SLC22A5: variants seen among roughly 807,000 people sequenced by gnomAD.
SLC22A5 encodes organic cation/carnitine transporter 2.
In SLC22A5, 44 loss-of-function variants were observed where a neutral mutation model predicts 56.7. That is an observed-to-expected ratio of 0.78 (90% CI 0.61 to 1.00). The LOEUF (loss-of-function observed/expected upper bound fraction) is 1.00, where lower values mean the gene tolerates loss of function less well. SLC22A5 is among the 50% of genes least tolerant of loss of function. SLC22A5 has a pLI of 0.00. For missense variants in SLC22A5, 675 were observed against 723.0 expected (o/e 0.93, Z 0.76); for synonymous variants, 278 against 292.1 (o/e 0.95, Z 0.49).
intron 2 of SLC22A5, 144 bp from the exon 3 acceptor site, chr5:132,384,003 C>T: frequency 4.9e-6 from 4 of 810,090 alleles, no homozygotes; most frequent in South Asian, 4.4e-5. Flanking sequence ...CACTGTGAGA[C>T]CGAGACTGTC....
At chr5:132,380,352 CAGTT>C (rs1168917506) in intron 2 of SLC22A5, 1 of 151,982 alleles carries the variant, frequency 6.6e-6, no homozygotes, top group Non-Finnish European at 1.5e-5. Flanking sequence ...TAGTGGATCA[CAGTT>C]AGGACTTTGG....
chr5:132,383,455 A>G (rs968170783), intron 2 of SLC22A5: 3 of 155,124 alleles, frequency 1.9e-5, no homozygotes, highest in African/African-American at 7.2e-5. Context: ...ACATTCCTCT[A>G]TGCTCTGCAT....
At chr5:132,376,610 TCAGCCATATG>T (rs983856778) in intron 1 of SLC22A5, 2 of 152,234 alleles carry the variant, frequency 1.3e-5, no homozygotes, top group Non-Finnish European at 2.9e-5. Context: ...CTAGTCTAGC[TCAGCCATATG>T]GGTCCCCAAC....
chr5:132,393,988 G>A (rs1156849514), intron 9 of SLC22A5, among the ~76,000 whole-genome samples, 177 bp downstream of exon 9: 1 of 152,218 alleles, frequency 6.6e-6, no homozygotes, highest in Admixed American at 6.5e-5. Context: ...TCTCTGGTCT[G>A]TTCCTGTGTG....
intron 1 of SLC22A5, among the ~76,000 whole-genome samples, chr5:132,374,050 C>T (rs192414917): frequency 1.1e-3 from 164 of 151,938 alleles, no homozygotes; most frequent in Non-Finnish European, 1.8e-3. Flanking sequence ...ACCTCGTATC[C>T]GCTAAAAATA....
Position 132,394,379 on chromosome 5 carries a change from G to A in SLC22A5, c.*107G>A. On this transcript the variant is annotated 3_prime_UTR_variant, in exon 10 of 10. Coordinates refer to ENST00000245407, the MANE Select transcript of SLC22A5 (RefSeq NM_003060.4). ...CAGTGACAAAAGGCCTTTGCTGTTT[G>A]TCCTCTTGACCTGTGTCTGACTTGC... The A allele has an allele frequency of 1.1e-6, 1 of 875,682 alleles. No homozygotes were observed. Among genetic ancestry groups the A allele is most frequent in the Non-Finnish European group, 2.0e-6 (1 of 507,596 alleles). 54.2% of individuals were successfully genotyped at this position (875,682 alleles called of 1,614,324 possible).
intron 1 of SLC22A5, among the ~76,000 whole-genome samples, chr5:132,374,188 C>T (rs1308623338): frequency 6.6e-6 from 1 of 151,102 alleles, no homozygotes; most frequent in Non-Finnish European, 1.5e-5. Flanking sequence ...CATTGCATGC[C>T]AGCCTGGGTG....
At chr5:132,373,262 T>G (rs1233099103) in intron 1 of SLC22A5, among the ~76,000 whole-genome samples, 4 of 152,254 alleles carry the variant, frequency 2.6e-5, no homozygotes, top group Non-Finnish European at 4.4e-5. Context: ...TGACTCCCCC[T>G]GCCCACTGAC....
In SLC22A5 at chr5:132,369,908, C is replaced by CGCACGCGCAAA. The variant is rs1472315205; in HGVS notation, c.-62_-52dup. Reference sequence around the variant, plus strand: ...CCTGGTCGGCGGCGGGTGCCCCGCGCGCACGCGCAAAGCCCGCCGCGTTCC... The same window carrying CGCACGCGCAAA: ...CCTGGTCGGCGGCGGGTGCCCCGCGCGCACGCGCAAAGCACGCGCAAAGCCCGCCGCGTTCC... On this transcript the variant is annotated 5_prime_UTR_variant, in exon 1 of 10. Transcript: ENST00000245407. The CGCACGCGCAAA allele has an allele frequency of 1.3e-6, 2 of 1,584,770 alleles. No homozygotes were observed. The highest frequency in any genetic ancestry group is 1.7e-6 in the Non-Finnish European group (2 of 1,168,556).
intron 1 of SLC22A5, chr5:132,377,079 C>A (rs1752168453): frequency 6.6e-6 from 1 of 152,422 alleles, no homozygotes; most frequent in African/African-American, 2.4e-5. Context: ...TGCCACCCTA[C>A]TCCCAGCCCA....
Position 132,389,011 on chromosome 5 carries a change from A to G in SLC22A5, c.1042A>G (p.Ile348Val), listed in dbSNP as rs779808817. 6.2e-7 allele frequency: 1 copy of G among 1,610,670 alleles called. No homozygotes were observed. The highest frequency in any genetic ancestry group is 8.5e-7 in the Non-Finnish European group (1 of 1,176,832). The change falls in exon 6 of 10, where the codon ATA becomes GTA. Residue 348 changes from isoleucine (I) to valine (V), a missense_variant. Ile to Val is a conservative substitution (Grantham distance 29). Transcript: ENST00000245407. Reference protein sequence around the residue: ...WNIRMVTIMSIMLWMTISVGY... With the variant: ...WNIRMVTIMSVMLWMTISVGY... ...TATCCGGATGGTCACCATCATGTCC[A>G]TAATGCTGTGGTATGTAAAAGAGAC...
At position 132,369,851 on chromosome 5, in the gene SLC22A5, G is replaced by T. The variant is rs1379139680; in HGVS notation, c.-122G>T. ...GTCAGCTCGCGAGCCTACCCTCCGC[G>T]GACGGTCTTGGGTCGCCTGCTGCCT... On this transcript the variant is annotated 5_prime_UTR_variant, in exon 1 of 10. Coordinates refer to ENST00000245407, the MANE Select transcript of SLC22A5 (RefSeq NM_003060.4). 3.1e-6 allele frequency: 4 copies of T among 1,304,600 alleles called. No individual in the cohort carries two copies. In the African/African-American group the frequency reaches 6.1e-5, roughly 20 times the overall value. The allele number at this position is 1,304,600 out of a possible 1,614,324, so 80.8% of individuals were successfully genotyped here.
At chr5:132,389,420 G>A (rs890186332) in intron 6 of SLC22A5, 1 of 315,578 alleles carries the variant, frequency 3.2e-6, no homozygotes. Flanking sequence ...GAGGCTGCCA[G>A]TTACTTTCTG....
intron 1 of SLC22A5, among the ~76,000 whole-genome samples, chr5:132,372,539 AG>A (rs1004139964): frequency 3.3e-4 from 50 of 152,330 alleles, no homozygotes; most frequent in African/African-American, 1.1e-3. Context: ...CAGCTGTGCC[AG>A]GGGGTCTGAC....
chr5:132,391,019 T>C, intron 7 of SLC22A5, 115 bp downstream of exon 7: 1 of 843,256 alleles, frequency 1.2e-6, no homozygotes, highest in Admixed American at 2.0e-5. Context: ...CCCTTGCTTA[T>C]ATACATTCTT....
chr5:132,373,317 G>T (rs542980746), intron 1 of SLC22A5, among the ~76,000 whole-genome samples: 63 of 149,576 alleles, frequency 4.2e-4, no homozygotes, highest in African/African-American at 1.5e-3. Flanking sequence ...TGTTGGGATT[G>T]GCAGAGGGAA....
At chr5:132,370,474 C>T in intron 1 of SLC22A5, 109 bp downstream of exon 1, 1 of 1,268,252 alleles carries the variant, frequency 7.9e-7, no homozygotes, top group South Asian at 1.3e-5. Context: ...GTCACTCCCC[C>T]TCCCCCAACG....
At position 132,392,463 on chromosome 5, in the gene SLC22A5, T is replaced by C. The variant is rs779385095; in HGVS notation, c.1298T>C (p.Met433Thr). ...TATTATTTGGCTACAGTCCTGGTGA[T>C]GGTGGGCAAGTTTGGAGTCACGGCT... is the stretch of plus-strand genomic sequence containing the variant. ...DLYYLATVLVMVGKFGVTAAF... is the reference protein window; with the variant it reads ...DLYYLATVLVTVGKFGVTAAF... Residue 433 changes from methionine to threonine, a missense_variant, in exon 8 of 10, where the codon ATG becomes ACG. Met to Thr is a moderately conservative substitution (Grantham distance 81, BLOSUM62 -1). Coordinates refer to ENST00000245407, the MANE Select transcript of SLC22A5 (RefSeq NM_003060.4). The C allele has an allele frequency of 6.2e-7, 1 of 1,614,246 alleles. No individual in the cohort carries two copies. The highest frequency in any genetic ancestry group is 8.5e-7 in the Non-Finnish European group (1 of 1,180,042).
At position 132,369,732 on chromosome 5, in the gene SLC22A5, C is replaced by G. The variant is rs1016979895; in HGVS notation, c.-241C>G. The G allele has an allele frequency of 8.5e-6, 4 of 470,956 alleles. No homozygotes were observed. Among genetic ancestry groups the G allele is most frequent in the Non-Finnish European group, 1.4e-5 (4 of 278,908 alleles). The allele number at this position is 470,956 out of a possible 1,614,324, so 29.2% of individuals were successfully genotyped here. On this transcript the variant is annotated 5_prime_UTR_variant, in exon 1 of 10. Coordinates refer to ENST00000245407, the MANE Select transcript of SLC22A5 (RefSeq NM_003060.4). ...TCCGCCTTCGCCGGCGCCGCTCTGC[C>G]TGCCAGCGGGGCGCGCCTTGCGGCC...
Sources: gnomAD v4.1 joint callset for allele counts (sites outside exome capture counted in the v4.1 genomes callset) on GRCh38, gnomAD v4.1.1 for gene constraint, MANE v1.5 for transcripts, NCBI Gene and HGNC (gene_info 2026-07-23, HGNC 2026-07-21) for gene names.